SREBF2: variants seen among roughly 807,000 people sequenced by gnomAD.
The protein encoded by SREBF2 is sterol regulatory element-binding protein 2.
A neutral mutation model predicts 113.1 loss-of-function variants in SREBF2; 55 were observed. The observed-to-expected ratio is 0.49, with a 90% CI of 0.39 to 0.61. SREBF2 has a LOEUF of 0.61. SREBF2 is among the 20% of genes least tolerant of loss of function. The probability of loss-of-function intolerance (pLI) is 0.00; values close to 1 mark genes in which losing one functional copy is unlikely to be tolerated. For synonymous variants in SREBF2, 593 were observed against 605.7 expected (o/e 0.98, Z 0.31); for missense variants, 1,349 against 1,487.4 (o/e 0.91, Z 1.53).
chr22:41,893,297 T>G lies in SREBF2; in HGVS notation c.2377+12T>G. Reference sequence around the variant, plus strand: ...CCAGAGGAACCCAGGTGAGAATACCTTGGAGCCATTCAGAATTGGAGAAAG... The same window carrying G: ...CCAGAGGAACCCAGGTGAGAATACCGTGGAGCCATTCAGAATTGGAGAAAG... On this transcript the variant is annotated intron_variant, in intron 12 of 18. Coordinates refer to ENST00000361204, the MANE Select transcript of SREBF2 (RefSeq NM_004599.4). 6.2e-7 allele frequency: 1 copy of G among 1,614,080 alleles called. No homozygotes were observed. The highest frequency in any genetic ancestry group is 8.5e-7 in the Non-Finnish European group (1 of 1,180,016).
In SREBF2 at chr22:41,868,595, C is replaced by A; in HGVS notation, c.539-16C>A. The A allele has an allele frequency of 6.2e-7, 1 of 1,614,198 alleles. No individual in the cohort carries two copies. The highest frequency in any genetic ancestry group is 1.1e-5 in the South Asian group (1 of 91,066). ...CATTCCTCATCTCTGTGCCTTCTTT[C>A]TCCTCTTCTCCCAAGTCCTTCAGCC... On this transcript the variant is annotated splice_polypyrimidine_tract_variant and intron_variant, in intron 2 of 18. Coordinates refer to ENST00000361204, the MANE Select transcript of SREBF2 (RefSeq NM_004599.4).
At chr22:41,846,361 G>A (rs2076876802) in intron 1 of SREBF2, among the ~76,000 whole-genome samples, 2 of 152,144 alleles carry the variant, frequency 1.3e-5, no homozygotes, top group Non-Finnish European at 2.9e-5. Flanking sequence ...GCTTTCCTGG[G>A]TCATTCCCTC....
chr22:41,898,523 C>G (rs1602346659), intron 14 of SREBF2, 126 bp from the exon 15 acceptor site: 1 of 1,284,270 alleles, frequency 7.8e-7, no homozygotes, highest in Non-Finnish European at 1.1e-6. Flanking sequence ...AGCCCAGAGG[C>G]TGCTGGCCCG....
intron 1 of SREBF2, among the ~76,000 whole-genome samples, chr22:41,844,680 G>A (rs1319587535): frequency 6.6e-6 from 1 of 152,198 alleles, no homozygotes; most frequent in Non-Finnish European, 1.5e-5. Flanking sequence ...ACGTGGCCCT[G>A]TGGAACAGGT....
intron 1 of SREBF2, among the ~76,000 whole-genome samples, chr22:41,846,089 T>C (rs1186744641): frequency 6.6e-6 from 1 of 152,246 alleles, no homozygotes; most frequent in Non-Finnish European, 1.5e-5. Flanking sequence ...GACCACACTC[T>C]TGATAACTGT....
intron 1 of SREBF2, among the ~76,000 whole-genome samples, chr22:41,853,205 A>T (rs5758494): frequency 1.3e-5 from 2 of 151,944 alleles, no homozygotes; most frequent in Non-Finnish European, 2.9e-5. Flanking sequence ...GTTCTCCTTC[A>T]TTTTTTCATT....
intron 7 of SREBF2, 151 bp from the exon 8 acceptor site, chr22:41,877,078 T>C (rs1017166976): frequency 1.7e-5 from 13 of 749,366 alleles, no homozygotes; most frequent in African/African-American, 1.8e-5. Flanking sequence ...TAGTGAATTA[T>C]AGGCTTCTCA....
intron 11 of SREBF2, among the ~76,000 whole-genome samples, chr22:41,886,693 C>G (rs546383466): frequency 2.8e-4 from 42 of 152,218 alleles, no homozygotes; most frequent in Non-Finnish European, 2.9e-5. Context: ...TTTAATCTGT[C>G]TATTGTTCAT....
intron 1 of SREBF2, among the ~76,000 whole-genome samples, chr22:41,846,935 G>A (rs887875584): frequency 2.0e-5 from 3 of 152,124 alleles, no homozygotes; most frequent in East Asian, 1.9e-4. Flanking sequence ...GGAAGAAAAC[G>A]AATACTTTTC....
intron 1 of SREBF2, among the ~76,000 whole-genome samples, chr22:41,854,694 C>A (rs2076961963): frequency 6.6e-6 from 1 of 150,948 alleles, no homozygotes; most frequent in East Asian, 2.0e-4. Context: ...CATGGTGAAA[C>A]CCGGTCTCAA....
chr22:41,864,879 G>C (rs1027339068), intron 1 of SREBF2, among the ~76,000 whole-genome samples: 1 of 152,110 alleles, frequency 6.6e-6, no homozygotes, highest in African/African-American at 2.4e-5. Flanking sequence ...CTTGAGCCTG[G>C]GAGGTGGAGG....
intron 2 of SREBF2, among the ~76,000 whole-genome samples, chr22:41,868,068 G>A (rs914563031): frequency 1.3e-5 from 2 of 152,194 alleles, no homozygotes; most frequent in Non-Finnish European, 2.9e-5. Context: ...ACTGAAAGGG[G>A]CCTGTTCTTT....
intron 1 of SREBF2, among the ~76,000 whole-genome samples, chr22:41,866,116 C>T (rs188583654): frequency 2.1e-3 from 316 of 152,292 alleles, no homozygotes; most frequent in African/African-American, 7.0e-3. Context: ...AAGCCAAAAC[C>T]GCTATACTCA....
At chr22:41,837,625 G>A (rs1172580800) in intron 1 of SREBF2, among the ~76,000 whole-genome samples, 5 of 149,670 alleles carry the variant, frequency 3.3e-5, no homozygotes, top group Admixed American at 1.3e-4. Flanking sequence ...TTGGGAGGCC[G>A]AGGCGGGTGG....
intron 1 of SREBF2, among the ~76,000 whole-genome samples, chr22:41,864,352 G>A (rs1301334025): frequency 1.7e-5 from 2 of 116,998 alleles, no homozygotes; most frequent in African/African-American, 3.4e-5. Context: ...ACTGAGTCTC[G>A]CTCTGTTGCC....
intron 12 of SREBF2, among the ~76,000 whole-genome samples, chr22:41,893,683 C>A (rs941651258): frequency 6.6e-6 from 1 of 152,120 alleles, no homozygotes; most frequent in Admixed American, 6.5e-5. Flanking sequence ...GGAGAGCAGA[C>A]AGACATAAAT....
chr22:41,895,556 C>T (rs1166995993), intron 13 of SREBF2, among the ~76,000 whole-genome samples: 1 of 151,644 alleles, frequency 6.6e-6, no homozygotes, highest in Non-Finnish European at 1.5e-5. Flanking sequence ...CTGCCTTAGC[C>T]TCCCAAGTAG....
In SREBF2 at chr22:41,900,346, G is replaced by A. The variant is rs764958284; in HGVS notation, c.2755G>A (p.Ala919Thr). 6.2e-7 allele frequency: 1 copy of A among 1,613,410 alleles called. No individual in the cohort carries two copies. The highest frequency in any genetic ancestry group is 8.5e-7 in the Non-Finnish European group (1 of 1,180,032). ...LEVTESPLVKAIFHACRAMHA... is the reference protein window; with the variant it reads ...LEVTESPLVKTIFHACRAMHA... Reference sequence around the variant, plus strand: ...CTGCTGCAGGAGCCCCCTGGTGAAGGCCATCTTCCATGCCTGCAGAGCCAT... The same window carrying A: ...CTGCTGCAGGAGCCCCCTGGTGAAGACCATCTTCCATGCCTGCAGAGCCAT... Residue 919 changes from alanine (A) to threonine (T), a missense_variant, in exon 16 of 19, where the codon GCC becomes ACC. Ala to Thr is a moderately conservative substitution (Grantham distance 58, BLOSUM62 0). Transcript: ENST00000361204.
intron 11 of SREBF2, among the ~76,000 whole-genome samples, chr22:41,889,511 C>G (rs1473977614): frequency 6.6e-6 from 1 of 152,052 alleles, no homozygotes; most frequent in Non-Finnish European, 1.5e-5. Flanking sequence ...AATCATATGT[C>G]AAGTTGAAAG....
Sources: allele counts gnomAD v4.1 joint callset (sites outside exome capture counted in the v4.1 genomes callset), GRCh38; gene constraint gnomAD v4.1.1; transcripts MANE v1.5; gene names NCBI Gene and HGNC (gene_info 2026-07-23, HGNC 2026-07-21).